The following SMIM14 variants were observed in gnomAD, a reference collection of about 807,000 sequenced individuals.
SMIM14 encodes small integral membrane protein 14.
Under a neutral mutation model 12.6 loss-of-function variants are expected in SMIM14, and 5 were observed. That is an observed-to-expected ratio of 0.40 (90% CI 0.21 to 0.83). SMIM14 has a LOEUF of 0.83. Among genes scored for constraint, SMIM14 ranks in the 40% least tolerant of loss-of-function variants. SMIM14 has a pLI of 0.37. For missense variants in SMIM14, 86 were observed against 119.1 expected (o/e 0.72, Z 1.29); for synonymous variants, 30 against 40.1 (o/e 0.75, Z 0.95).
At chr4:39,617,198 A>G (rs1045363675) in intron 1 of SMIM14, among the ~76,000 whole-genome samples, 2 of 152,232 alleles carry the variant, frequency 1.3e-5, no homozygotes, top group Non-Finnish European at 2.9e-5. Flanking sequence ...CAAAACTCCA[A>G]TAACATTAGT....
At chr4:39,557,166 C>T (rs1028911472) in intron 3 of SMIM14, among the ~76,000 whole-genome samples, 3 of 152,072 alleles carry the variant, frequency 2.0e-5, no homozygotes, top group Non-Finnish European at 4.4e-5. Context: ...CATGCGCCAC[C>T]ATGCCCAGCT....
chr4:39,572,809 G>A (rs1020533561), intron 2 of SMIM14, among the ~76,000 whole-genome samples: 4 of 151,814 alleles, frequency 2.6e-5, no homozygotes, highest in Admixed American at 2.0e-4. Context: ...GTGACAGAGC[G>A]AGACCTTGTC....
At chr4:39,588,100 CTA>C (rs1426282416) in intron 2 of SMIM14, 2 of 152,236 alleles carry the variant, frequency 1.3e-5, no homozygotes, top group African/African-American at 2.4e-5. Context: ...CCCTCAGCTT[CTA>C]TGTCTTCTAG....
chr4:39,608,952 A>G (rs1468927794), intron 1 of SMIM14, among the ~76,000 whole-genome samples: 1 of 152,120 alleles, frequency 6.6e-6, no homozygotes, highest in African/African-American at 2.4e-5. Flanking sequence ...ATATACTAAA[A>G]GACACTGTAA....
chr4:39,553,039 G>A (rs1711802145), intron 4 of SMIM14, among the ~76,000 whole-genome samples: 1 of 151,268 alleles, frequency 6.6e-6, no homozygotes, highest in South Asian at 2.1e-4. Context: ...GGGTAATCTT[G>A]CATTTCTGTC....
At chr4:39,621,717 G>C (rs1715500156) in intron 1 of SMIM14, among the ~76,000 whole-genome samples, 1 of 120,602 alleles carries the variant, frequency 8.3e-6, no homozygotes, top group Non-Finnish European at 1.7e-5. Flanking sequence ...TTTTGAGAAA[G>C]GCTCTTGCTC....
chr4:39,579,108 G>T (rs772684424), intron 2 of SMIM14, among the ~76,000 whole-genome samples: 1 of 151,586 alleles, frequency 6.6e-6, no homozygotes, highest in Non-Finnish European at 1.5e-5. Flanking sequence ...AGAAGAAAAA[G>T]AGATTAAAAC....
intron 2 of SMIM14, among the ~76,000 whole-genome samples, chr4:39,600,693 G>GA (rs1327456521): frequency 6.6e-6 from 1 of 150,878 alleles, no homozygotes; most frequent in African/African-American, 2.4e-5. Context: ...TCCATCTCAA[G>GA]AAAAAACAAA....
At chr4:39,626,273 A>C (rs967432179) in intron 1 of SMIM14, among the ~76,000 whole-genome samples, 6 of 152,202 alleles carry the variant, frequency 3.9e-5, no homozygotes, top group African/African-American at 7.2e-5. Flanking sequence ...GGTGCAAAAA[A>C]GGTTGGGGAC....
intron 2 of SMIM14, chr4:39,594,584 AG>A (rs1714272044): frequency 6.7e-6 from 1 of 148,934 alleles, no homozygotes; most frequent in Admixed American, 6.7e-5. Flanking sequence ...GCTTCTGCAC[AG>A]CAAAAGAAAC....
In SMIM14 at chr4:39,589,132, G is replaced by C. The variant is rs922312077; in HGVS notation, c.75+15939C>G. On this transcript the variant is annotated intron_variant, in intron 2 of 4. Transcript: ENST00000295958. ...GACAGAGTCTCGCTCTGTCACCCAG[G>C]CTGGAGTACAATGGCGCGATCTCTG... Among the ~76,000 whole-genome samples, 5 of 152,238 alleles carry C rather than the reference G, an allele frequency of 3.3e-5. No individual in the cohort carries two copies. In the East Asian group the frequency reaches 9.7e-4, roughly 29 times the overall value.
chr4:39,606,165 G>A (rs1184549061), intron 1 of SMIM14, among the ~76,000 whole-genome samples: 5 of 152,042 alleles, frequency 3.3e-5, no homozygotes, highest in Non-Finnish European at 7.4e-5. Flanking sequence ...GGGCAACCTA[G>A]TGAGACCTCA....
chr4:39,573,564 A>T (rs533339215), intron 2 of SMIM14, among the ~76,000 whole-genome samples: 1 of 152,330 alleles, frequency 6.6e-6, no homozygotes, highest in African/African-American at 2.4e-5. Flanking sequence ...ATTTTAAAAA[A>T]ATCACCCATG....
chr4:39,616,365 G>A (rs1392918820), intron 1 of SMIM14, among the ~76,000 whole-genome samples: 1 of 149,636 alleles, frequency 6.7e-6, no homozygotes, highest in Non-Finnish European at 1.5e-5. Flanking sequence ...CAAACTCCCG[G>A]CCTCTAGTGA....
intron 3 of SMIM14, among the ~76,000 whole-genome samples, chr4:39,564,904 T>G (rs1712496990): frequency 3.3e-5 from 5 of 151,956 alleles, no homozygotes; most frequent in Admixed American, 3.3e-4. Flanking sequence ...GGTGGTATAG[T>G]GAGGTGGGAT....
intron 1 of SMIM14, among the ~76,000 whole-genome samples, chr4:39,629,937 T>C (rs1715840749): frequency 6.6e-6 from 1 of 152,148 alleles, no homozygotes; most frequent in Non-Finnish European, 1.5e-5. Flanking sequence ...AGAAAGCAGT[T>C]TTTAACAGCT....
intron 1 of SMIM14, among the ~76,000 whole-genome samples, chr4:39,631,530 G>T (rs1167336614): frequency 1.3e-5 from 2 of 151,788 alleles, no homozygotes; most frequent in African/African-American, 4.8e-5. Flanking sequence ...ATGGTGGCAG[G>T]TACCTGTAGT....
At chr4:39,591,633 G>T (rs1714086608) in intron 2 of SMIM14, among the ~76,000 whole-genome samples, 1 of 152,020 alleles carries the variant, frequency 6.6e-6, no homozygotes, top group Non-Finnish European at 1.5e-5. Flanking sequence ...TCAGATCACT[G>T]CAACCTCCAC....
rs181433333 is a variant in SMIM14 at position 39,553,862 on chromosome 4, G to A, written c.268-1704C>T. Among the ~76,000 whole-genome samples the A allele has an allele frequency of 4.7e-4, 72 of 152,184 alleles. 2 individuals carry two copies. The highest frequency in any genetic ancestry group is 1.7e-3 in the African/African-American group (72 of 41,538). On this transcript the variant is annotated intron_variant, in intron 4 of 4. Transcript: ENST00000295958. ...GCCCGCCTCAGCCTCCCAAAGTGCT[G>A]GGATTACAGGTGAGAGCCACCGCGC... is the stretch of plus-strand genomic sequence containing the variant.
Sources: gnomAD v4.1 joint callset for allele counts (sites outside exome capture counted in the v4.1 genomes callset) on GRCh38, gnomAD v4.1.1 for gene constraint, MANE v1.5 for transcripts, NCBI Gene and HGNC (gene_info 2026-07-23, HGNC 2026-07-21) for gene names.